Variants in C2 observed in about 807,000 individuals in gnomAD.
The protein encoded by C2 is C3/C5 convertase.
Under a neutral mutation model 85.2 loss-of-function variants are expected in C2, and 64 were observed. The observed-to-expected ratio is 0.75, with a 90% CI of 0.61 to 0.92. C2 has a LOEUF of 0.92. Among genes scored for constraint, C2 ranks in the 40% least tolerant of loss-of-function variants. The probability of loss-of-function intolerance (pLI) is 0.00; values close to 1 mark genes in which losing one functional copy is unlikely to be tolerated. For missense variants in C2, 820 were observed against 971.6 expected (o/e 0.84, Z 2.07); for synonymous variants, 311 against 370.8 (o/e 0.84, Z 1.85).
upstream of C2, among the ~76,000 whole-genome samples, chr6:31,899,079 A>AG (rs35612854): frequency 2.0e-5 from 3 of 151,968 alleles, no homozygotes; most frequent in Non-Finnish European, 4.4e-5. Flanking sequence ...GAAAAAAAAA[A>AG]GTTTTTTTTT....
rs1768925777 is a variant in C2 at position 31,921,002 on chromosome 6, G to A, written c.-100+976G>A. Reference sequence around the variant, plus strand: ...GGCAAAACCCTTTCTGAGGCTCTAAGGGTGATGTATGTGGAGATTCCTCAA... The same window carrying A: ...GGCAAAACCCTTTCTGAGGCTCTAAAGGTGATGTATGTGGAGATTCCTCAA... On this transcript the variant is annotated intron_variant, in intron 1 of 3. Transcript: ENST00000413154. The surrounding 1 kb of genome is among the most constrained non-coding windows in gnomAD (Gnocchi z 4.6). Among the ~76,000 whole-genome samples the A allele has an allele frequency of 6.6e-6, 1 of 152,176 alleles. No individual in the cohort carries two copies.
upstream of C2, chr6:31,899,819 C>T (rs1767056031): frequency 8.1e-7 from 1 of 1,236,478 alleles, no homozygotes; most frequent in South Asian, 1.5e-5. Flanking sequence ...GCCTCCCACT[C>T]TTACCTTTCT....
In C2 at chr6:31,945,489, C is replaced by T; in HGVS notation, c.*132C>T. 2.2e-6 allele frequency: 2 copies of T among 889,712 alleles called. No individual in the cohort carries two copies. Among genetic ancestry groups the T allele is most frequent in the South Asian group, 1.4e-5 (1 of 71,826 alleles). The allele number at this position is 889,712 out of a possible 1,614,324, so 55.1% of individuals were successfully genotyped here. A position where few individuals can be genotyped will look rare whatever the true frequency, so the allele number is the denominator to read the frequency against. ...GAGTAAATCCGGGTCTCTAGGATGC[C>T]AGAGGCAGCGCACACAAGCTGGGAA... is the stretch of plus-strand genomic sequence containing the variant. On this transcript the variant is annotated 3_prime_UTR_variant, in exon 18 of 18. Coordinates refer to ENST00000299367, the MANE Select transcript of C2 (RefSeq NM_000063.6). This position sits in a 1 kb window ranked among gnomAD's most constrained non-coding sequence, Gnocchi z 5.3.
upstream of C2, among the ~76,000 whole-genome samples, chr6:31,924,174 C>T (rs1769139846): frequency 6.6e-6 from 1 of 152,208 alleles, no homozygotes; most frequent in African/African-American, 2.4e-5. Flanking sequence ...CTCTTTATTA[C>T]AGAAGTTTAA....
At chr6:31,931,378 G>T (rs1322081707) in intron 3 of C2, among the ~76,000 whole-genome samples, 2 of 151,024 alleles carry the variant, frequency 1.3e-5, no homozygotes, top group Non-Finnish European at 3.0e-5. Context: ...GTGAACAAAG[G>T]TCTCTGGTTT....
At chr6:31,917,184 A>AG (rs1562566627), upstream of C2, among the ~76,000 whole-genome samples, 1 of 151,862 alleles carries the variant, frequency 6.6e-6, no homozygotes. Flanking sequence ...AAAAAAAAAA[A>AG]AAAGAAAAAA....
At chr6:31,900,154 G>T, upstream of C2, 1 of 1,614,210 alleles carries the variant, frequency 6.2e-7, no homozygotes, top group Non-Finnish European at 8.5e-7. The surrounding 1 kb of genome is among the most constrained non-coding windows in gnomAD (Gnocchi z 9.7). Context: ...AGTGTGACTT[G>T]ACACCACGAT....
chr6:31,928,968 A>T (rs1769504902), intron 3 of C2, 51 bp downstream of exon 3: 1 of 1,523,870 alleles, frequency 6.6e-7, no homozygotes, highest in African/African-American at 1.4e-5. Context: ...CTCCTGGGGA[A>T]CCCTGGGGCC....
upstream of C2, among the ~76,000 whole-genome samples, chr6:31,898,918 CT>C (rs536810912): frequency 4.3e-4 from 65 of 152,114 alleles, 1 homozygote; most frequent in African/African-American, 1.3e-3. Flanking sequence ...GAGGAGCTCA[CT>C]TGTCACACTC....
chr6:31,936,436 C>A (rs1770425037), intron 7 of C2: 2 of 309,210 alleles, frequency 6.5e-6, no homozygotes, highest in Non-Finnish European at 1.2e-5. Flanking sequence ...GTTTTGGAAA[C>A]CTCATCTTTG....
chr6:31,925,867 A>G (rs1196684380), upstream of C2, among the ~76,000 whole-genome samples: 1 of 152,072 alleles, frequency 6.6e-6, no homozygotes, highest in Non-Finnish European at 1.5e-5. Flanking sequence ...TCTTGTAACA[A>G]TCTAAGTGGC....
intron 9 of C2, chr6:31,941,571 G>A (rs944666623): frequency 1.3e-5 from 2 of 152,186 alleles, no homozygotes; most frequent in Admixed American, 6.5e-5. Context: ...GCGGGATCCC[G>A]GCTCACTGTA....
At position 31,944,704 on chromosome 6, in the gene C2, C is replaced by T. The variant is rs904402550; in HGVS notation, c.1903-23C>T. 6.2e-7 allele frequency: 1 copy of T among 1,612,988 alleles called. No homozygotes were observed. On this transcript the variant is annotated intron_variant, in intron 15 of 17. Coordinates refer to ENST00000299367, the MANE Select transcript of C2 (RefSeq NM_000063.6). The surrounding 1 kb of genome is among the most constrained non-coding windows in gnomAD (Gnocchi z 5.1). The stretch of plus-strand genomic sequence containing the variant: ...CCGGGTCTGCTTATTCTACCCTTCT[C>T]TCTGGTTCCACCCCTGCTGCAGTGG...
chr6:31,942,869 T>C, intron 9 of C2, 90 bp from the exon 10 acceptor site: 1 of 1,551,450 alleles, frequency 6.4e-7, no homozygotes, highest in South Asian at 1.1e-5. Flanking sequence ...AGGTCTTGAT[T>C]GGACACAGTG....
At position 31,907,888 on chromosome 6, in the gene C2, C is replaced by T. The variant is rs190882360; in HGVS notation, c.73+6749C>T. Among the ~76,000 whole-genome samples the T allele has an allele frequency of 2.0e-4, 24 of 122,310 alleles. 1 individual carries two copies. Among genetic ancestry groups the T allele is most frequent in the Admixed American group, 3.4e-4 (3 of 8,804 alleles). The allele number at this position is 122,310 out of a possible 152,430, so 80.2% of individuals were successfully genotyped here. A position where few individuals can be genotyped will look rare whatever the true frequency, so the allele number is the denominator to read the frequency against. On this transcript the variant is annotated intron_variant, in intron 1 of 3. Transcript: ENST00000452202. ...TGAGATGGAGTTTCGCCCTTGTTGC[C>T]CAGGCTGGAGTGCAATGGTACAATC...
chr6:31,909,745 A>G (rs1767963691), intron 1 of C2, among the ~76,000 whole-genome samples: 1 of 151,576 alleles, frequency 6.6e-6, no homozygotes, highest in African/African-American at 2.4e-5. Context: ...TGCCCACCCT[A>G]TATGTTAAAC....
chr6:31,928,471 G>T (rs1200456685), intron 2 of C2, among the ~76,000 whole-genome samples: 1 of 152,104 alleles, frequency 6.6e-6, no homozygotes, highest in Non-Finnish European at 1.5e-5. Flanking sequence ...GATCCCAAGG[G>T]GAGTGTCTGG....
chr6:31,929,717 C>CAA (rs9279455), intron 3 of C2, among the ~76,000 whole-genome samples: 48 of 42,470 alleles, frequency 1.1e-3, no homozygotes, highest in East Asian at 3.7e-3. Flanking sequence ...GACTCTGTCT[C>CAA]AAAAAAAAAA....
chr6:31,904,270 A>G lies in C2; in HGVS notation c.73+3131A>G, dbSNP rs1767569377. 6.6e-6 allele frequency among the ~76,000 whole-genome samples: 1 copy of G among 152,008 alleles called. No homozygotes were observed. Among genetic ancestry groups the G allele is most frequent in the Admixed American group, 6.6e-5 (1 of 15,254 alleles). ...TCTGTTCTCCTTTTCCTAATCTGGGAAACGGACTATGAAATTTTCAAAAGA... is the reference window on the plus strand; with the variant it reads ...TCTGTTCTCCTTTTCCTAATCTGGGGAACGGACTATGAAATTTTCAAAAGA... On this transcript the variant is annotated intron_variant, in intron 1 of 3. Transcript: ENST00000452202. This position sits in a 1 kb window ranked among gnomAD's most constrained non-coding sequence, Gnocchi z 4.4.
Sources: allele counts gnomAD v4.1 joint callset (sites outside exome capture counted in the v4.1 genomes callset), GRCh38; gene constraint gnomAD v4.1.1; non-coding constraint Gnocchi (gnomAD v3.1); transcripts MANE v1.5; gene names NCBI Gene and HGNC (gene_info 2026-07-23, HGNC 2026-07-21).